Variants in ADK observed in about 807,000 individuals in gnomAD.
The protein encoded by ADK is N6,N6-dimethyladenosine kinase.
ADK carries 24 observed loss-of-function variants against 44.7 expected under a neutral mutation model. The observed-to-expected ratio is 0.54, with a 90% CI of 0.39 to 0.76. ADK has a LOEUF of 0.76. Among genes scored for constraint, ADK ranks in the 30% least tolerant of loss-of-function variants. ADK has a pLI of 0.00. For synonymous variants in ADK, 128 were observed against 142.6 expected (o/e 0.90, Z 0.73); for missense variants, 321 against 425.1 (o/e 0.76, Z 2.15).
At chr10:74,625,451 G>GTA (rs141392690) in intron 9 of ADK, among the ~76,000 whole-genome samples, 67 of 150,900 alleles carry the variant, frequency 4.4e-4, no homozygotes, top group East Asian at 3.9e-3. Context: ...AGTGCTTAAA[G>GTA]TATATATATA....
intron 9 of ADK, chr10:74,655,840 T>A (rs1854468062): frequency 1.9e-6 from 1 of 533,646 alleles, no homozygotes; most frequent in Non-Finnish European, 3.6e-6. Flanking sequence ...GTGGTACTCA[T>A]CAAGCAGGAG....
intron 4 of ADK, among the ~76,000 whole-genome samples, chr10:74,364,822 T>C (rs1409655588): frequency 2.0e-5 from 3 of 151,994 alleles, no homozygotes; most frequent in African/African-American, 7.3e-5. Flanking sequence ...ATTTCTTCTC[T>C]TTTATCTTCC....
chr10:74,606,190 C>A (rs867123554), intron 9 of ADK, among the ~76,000 whole-genome samples: 13 of 152,258 alleles, frequency 8.5e-5, no homozygotes, highest in South Asian at 6.2e-4. Context: ...TTGCAAAAAA[C>A]CAGCTCCTGG....
At chr10:74,707,763 C>A (rs201350256) in intron 10 of ADK, among the ~76,000 whole-genome samples, 379 of 103,750 alleles carry the variant, frequency 3.7e-3, no homozygotes, top group East Asian at 6.4e-3. Flanking sequence ...AACTCCACCT[C>A]AAAAAAAAAA....
chr10:74,372,525 A>G (rs1842693818), intron 4 of ADK: 1 of 356,212 alleles, frequency 2.8e-6, no homozygotes, highest in African/African-American at 2.1e-5. Flanking sequence ...CAGATAAAAT[A>G]TCAAGATAGA....
intron 9 of ADK, among the ~76,000 whole-genome samples, chr10:74,604,178 A>C (rs927412469): frequency 1.3e-5 from 2 of 152,134 alleles, no homozygotes; most frequent in Admixed American, 6.5e-5. Flanking sequence ...AGATTGCAAA[A>C]ATTTTCTCCC....
intron 3 of ADK, among the ~76,000 whole-genome samples, chr10:74,311,775 T>C (rs1840440680): frequency 6.6e-6 from 1 of 152,124 alleles, no homozygotes; most frequent in Non-Finnish European, 1.5e-5. Context: ...TTATGAAACT[T>C]TGAGAGATAC....
At chr10:74,623,818 T>C (rs908255899) in intron 9 of ADK, among the ~76,000 whole-genome samples, 2 of 152,068 alleles carry the variant, frequency 1.3e-5, no homozygotes, top group Admixed American at 6.6e-5. Context: ...TCAAAAGCTC[T>C]TGAAAATGTA....
In ADK at chr10:74,395,452, T is replaced by C. The variant is rs138784750; in HGVS notation, c.446+1139T>C. Among the ~76,000 whole-genome samples the C allele has an allele frequency of 1.9e-4, 29 of 152,288 alleles. No homozygotes were observed. In the East Asian group the frequency reaches 5.4e-3, roughly 28 times the overall value. ...GGTATGAAAGGCATTTTCAGATCTT[T>C]CCTTTAATTTTGTTTTTTATATACA... is the stretch of plus-strand genomic sequence containing the variant. On this transcript the variant is annotated intron_variant, in intron 5 of 10. Transcript: ENST00000539909.
In ADK at chr10:74,267,790, G is replaced by GTGTGTGTC. The variant is rs35081179; in HGVS notation, c.194+43202_194+43203insGTGTCTGT. On this transcript the variant is annotated intron_variant, in intron 3 of 10. Transcript: ENST00000539909. The stretch of plus-strand genomic sequence containing the variant: ...TGTGTGTGTGTGTGTGTGTGTGTGT[G>GTGTGTGTC]TGTCTGTCTGTCTGTTTTAGTGGCT... Among the ~76,000 whole-genome samples the GTGTGTGTC allele has an allele frequency of 9.2e-3, 1,334 of 145,644 alleles. 18 individuals carry two copies. The highest frequency in any genetic ancestry group is 0.026 in the African/African-American group (968 of 37,584).
At chr10:74,466,235 A>G (rs1288529264) in intron 6 of ADK, among the ~76,000 whole-genome samples, 4 of 152,182 alleles carry the variant, frequency 2.6e-5, no homozygotes, top group African/African-American at 7.2e-5. Context: ...AAATGCATAC[A>G]GCTGAGCTCT....
chr10:74,593,365 C>T (rs1851783499), intron 8 of ADK, among the ~76,000 whole-genome samples: 2 of 152,068 alleles, frequency 1.3e-5, no homozygotes, highest in South Asian at 4.2e-4. Context: ...GACCCCAAGA[C>T]AAGGTGGAAG....
chr10:74,475,307 AT>A (rs774995811), intron 6 of ADK, among the ~76,000 whole-genome samples: 7 of 152,156 alleles, frequency 4.6e-5, no homozygotes, highest in Non-Finnish European at 7.4e-5. Context: ...CTTCTGTATC[AT>A]TGTGACAGAC....
chr10:74,210,839 A>T (rs1412560203), intron 2 of ADK, among the ~76,000 whole-genome samples: 1 of 152,178 alleles, frequency 6.6e-6, no homozygotes, highest in African/African-American at 2.4e-5. Context: ...TAGACATTTA[A>T]TTGTTTTGCT....
chr10:74,564,930 A>C (rs891700606), intron 7 of ADK, among the ~76,000 whole-genome samples: 3 of 152,062 alleles, frequency 2.0e-5, no homozygotes, highest in African/African-American at 7.2e-5. Flanking sequence ...AATCCCTTAT[A>C]GTTCAGTGGC....
chr10:74,560,503 C>T (rs546810666), intron 7 of ADK, among the ~76,000 whole-genome samples: 3 of 152,252 alleles, frequency 2.0e-5, no homozygotes, highest in Non-Finnish European at 4.4e-5. Flanking sequence ...AGCAGCAGAC[C>T]AAATTCTCTA....
chr10:74,212,976 A>T (rs1458434454), intron 2 of ADK, among the ~76,000 whole-genome samples: 6 of 152,158 alleles, frequency 3.9e-5, no homozygotes, highest in Admixed American at 3.9e-4. Flanking sequence ...GGAGTATAGG[A>T]GGAGGATATG....
At chr10:74,569,900 G>C (rs1850873636) in intron 7 of ADK, among the ~76,000 whole-genome samples, 1 of 152,090 alleles carries the variant, frequency 6.6e-6, no homozygotes, top group South Asian at 2.1e-4. Context: ...GGTTTTTATG[G>C]TTTTAGGTCT....
chr10:74,541,385 A>G (rs1278809054), intron 7 of ADK, among the ~76,000 whole-genome samples: 2 of 152,080 alleles, frequency 1.3e-5, no homozygotes, highest in African/African-American at 2.4e-5. Context: ...GAAAAATCCT[A>G]ATATCCTTTT....
Sources: gnomAD v4.1 joint callset for allele counts (sites outside exome capture counted in the v4.1 genomes callset) on GRCh38, gnomAD v4.1.1 for gene constraint, MANE v1.5 for transcripts, NCBI Gene and HGNC (gene_info 2026-07-23, HGNC 2026-07-21) for gene names.